NUDT19: variants seen among roughly 807,000 people sequenced by gnomAD.
NUDT19 encodes the protein acyl-coenzyme A diphosphatase NUDT19.
In NUDT19, 31 loss-of-function variants were observed where a neutral mutation model predicts 22.2. The observed-to-expected ratio is 1.40, with a 90% CI of 1.05 to 1.89. The LOEUF is 1.89. NUDT19 is among the 40% of genes most tolerant of loss of function. The pLI, the probability that NUDT19 is intolerant of heterozygous loss-of-function variation, is 0.00. For missense variants in NUDT19, 752 were observed against 514.2 expected (o/e 1.46, Z -4.47); for synonymous variants, 325 against 230.8 (o/e 1.41, Z -3.70).
intron 1 of NUDT19, among the ~76,000 whole-genome samples, chr19:32,703,596 G>T (rs564597631): frequency 7.1e-6 from 1 of 141,414 alleles, no homozygotes; most frequent in African/African-American, 2.6e-5. Flanking sequence ...TGATCCACCT[G>T]CCTCAGCCTC....
At chr19:32,708,216 A>G (rs1444257270) in intron 1 of NUDT19, among the ~76,000 whole-genome samples, 1 of 151,154 alleles carries the variant, frequency 6.6e-6, no homozygotes, top group Non-Finnish European at 1.5e-5. Flanking sequence ...TCATGGGGTC[A>G]GGAGATCGAG....
intron 2 of NUDT19, among the ~76,000 whole-genome samples, chr19:32,709,868 TG>T (rs2145368461): frequency 6.6e-6 from 1 of 152,262 alleles, no homozygotes; most frequent in South Asian, 2.1e-4. Context: ...TTGGCCAGGC[TG>T]GTCTTGAACT....
At chr19:32,693,535 G>A (rs1229547812) in intron 1 of NUDT19, among the ~76,000 whole-genome samples, 1 of 152,220 alleles carries the variant, frequency 6.6e-6, no homozygotes, top group Non-Finnish European at 1.5e-5. Context: ...GTTGGGTGCT[G>A]GTGGCTGGGT....
rs1968188307 is a variant in NUDT19 at position 32,692,044 on chromosome 19, G to C, written c.84G>C (p.Glu28Asp). The C allele has an allele frequency of 3.1e-6, 4 of 1,277,000 alleles. No homozygotes were observed. The East Asian group carries it at 1.3e-4, about 41-fold the overall frequency. The allele number at this position is 1,277,000 out of a possible 1,614,324, so 79.1% of individuals were successfully genotyped here. A position where few individuals can be genotyped will look rare whatever the true frequency, so the allele number is the denominator to read the frequency against. ...TGGCGGCTGGCTGGTCGCGCCCGGA[G>C]ACCGCCACCCCGCCGTCGCGCCCGC... is the stretch of plus-strand genomic sequence containing the variant. ...IVLAAGWSRP[E>D]TATPPSRPPP... is the part of the protein sequence containing the mutation. The change falls in exon 1 of 3, where the codon GAG (glutamate) becomes GAC (aspartate). Residue 28 changes from glutamate (E) to aspartate (D), a missense_variant. Coordinates refer to ENST00000397061, the MANE Select transcript of NUDT19 (RefSeq NM_001105570.2).
At chr19:32,708,348 A>G (rs1459394422) in intron 1 of NUDT19, among the ~76,000 whole-genome samples, 6 of 150,460 alleles carry the variant, frequency 4.0e-5, no homozygotes, top group Non-Finnish European at 8.9e-5. Flanking sequence ...AATGGCGTGA[A>G]CCCAGGAGGT....
At chr19:32,709,432 A>G in intron 2 of NUDT19, 40 bp downstream of exon 2, 3 of 1,531,650 alleles carry the variant, frequency 2.0e-6, no homozygotes, top group South Asian at 1.1e-5. Context: ...TAGTATTCAC[A>G]TTCAGTGCCC....
In NUDT19 at chr19:32,692,590, C is replaced by G. The variant is rs779612481; in HGVS notation, c.630C>G (p.Arg210=). Residue 210 remains arginine, a synonymous_variant, in exon 1 of 3, where the codon CGC becomes CGG. Coordinates refer to ENST00000397061, the MANE Select transcript of NUDT19 (RefSeq NM_001105570.2). Reference sequence around the variant, plus strand: ...CCCCTTTCTTGCGGGGCACCACTCGCCGCTTTGACACGGCCTTCTTCCTGT... The same window carrying G: ...CCCCTTTCTTGCGGGGCACCACTCGGCGCTTTGACACGGCCTTCTTCCTGT... ...WLTPFLRGTT[R]RFDTAFFLCC... 6.3e-6 allele frequency: 10 copies of G among 1,584,890 alleles called. No individual in the cohort carries two copies. The South Asian group carries it at 1.0e-4, about 16-fold the overall frequency.
In NUDT19 at chr19:32,713,554, G is replaced by A. The variant is rs1968470567; in HGVS notation, c.*1597G>A. 2 of 152,146 alleles carry A rather than the reference G, an allele frequency of 1.3e-5. No individual in the cohort carries two copies. The highest frequency in any genetic ancestry group is 2.9e-5 in the Non-Finnish European group (2 of 68,042). 9.4% of individuals were successfully genotyped at this position (152,146 alleles called of 1,614,324 possible). A position where few individuals can be genotyped will look rare whatever the true frequency, so the allele number is the denominator to read the frequency against. On this transcript the variant is annotated 3_prime_UTR_variant, in exon 3 of 3. Coordinates refer to ENST00000397061, the MANE Select transcript of NUDT19 (RefSeq NM_001105570.2). Reference sequence around the variant, plus strand: ...TGAATGTAAAGAGGTTAGAAATGTAGTGTTTGATTAATGATGTTTATTTTT... The same window carrying A: ...TGAATGTAAAGAGGTTAGAAATGTAATGTTTGATTAATGATGTTTATTTTT...
intron 1 of NUDT19, 58 bp from the exon 2 acceptor site, chr19:32,709,127 C>G (rs1005600685): frequency 7.6e-6 from 9 of 1,177,992 alleles, no homozygotes; most frequent in Middle Eastern, 2.7e-4. Context: ...CTGACTGTCT[C>G]AAGTCTCACA....
chr19:32,699,872 CT>C (rs2145360983), intron 1 of NUDT19, among the ~76,000 whole-genome samples: 1 of 152,176 alleles, frequency 6.6e-6, no homozygotes, highest in Admixed American at 6.5e-5. Flanking sequence ...TCCGGAGTTT[CT>C]TTCGTTGGGT....
At chr19:32,693,206 T>C (rs780601789) in intron 1 of NUDT19, among the ~76,000 whole-genome samples, 1 of 152,188 alleles carries the variant, frequency 6.6e-6, no homozygotes, top group Non-Finnish European at 1.5e-5. Context: ...TTAAAGATGG[T>C]GTGTCCAGTT....
In NUDT19 at chr19:32,691,863, C is replaced by T. The variant is rs1968183683; in HGVS notation, c.-98C>T. ...CAACGCCAGAGGCTCGTCCTCAATT[C>T]CCGCGAGGCCCCCGGAGGTGCTGGG... On this transcript the variant is annotated 5_prime_UTR_variant, in exon 1 of 3. Coordinates refer to ENST00000397061, the MANE Select transcript of NUDT19 (RefSeq NM_001105570.2). 3 of 635,348 alleles carry T rather than the reference C, an allele frequency of 4.7e-6. No homozygotes were observed. The East Asian group carries it at 1.2e-4, about 26-fold the overall frequency. 39.4% of individuals were successfully genotyped at this position (635,348 alleles called of 1,614,324 possible). A position where few individuals can be genotyped will look rare whatever the true frequency, so the allele number is the denominator to read the frequency against.
chr19:32,695,510 G>A (rs1460076044), intron 1 of NUDT19, among the ~76,000 whole-genome samples: 1 of 152,190 alleles, frequency 6.6e-6, no homozygotes, highest in Admixed American at 6.5e-5. Flanking sequence ...AGGGTGCACT[G>A]TTTTTTCTTT....
Position 32,709,178 on chromosome 19 carries a change from T to C in NUDT19, c.715-7T>C, listed in dbSNP as rs1249827752. 4 of 1,606,506 alleles carry C rather than the reference T, an allele frequency of 2.5e-6. No individual in the cohort carries two copies. The highest frequency in any genetic ancestry group is 3.4e-6 in the Non-Finnish European group (4 of 1,174,122). On this transcript the variant is annotated splice_polypyrimidine_tract_variant and splice_region_variant and intron_variant, in intron 1 of 2. Coordinates refer to ENST00000397061, the MANE Select transcript of NUDT19 (RefSeq NM_001105570.2). ...ACCTTAAGAAACCCTGCCTTTGTCT[T>C]TCACAGTGGTCATCTCCATCAGAGG...
At chr19:32,709,928 C>T (rs1291126764) in intron 2 of NUDT19, among the ~76,000 whole-genome samples, 1 of 151,640 alleles carries the variant, frequency 6.6e-6, no homozygotes, top group Non-Finnish European at 1.5e-5. Context: ...GCTGGGATTA[C>T]AGTCATGAGC....
chr19:32,695,500 A>C (rs1183504366), intron 1 of NUDT19, among the ~76,000 whole-genome samples: 1 of 152,194 alleles, frequency 6.6e-6, no homozygotes, highest in Non-Finnish European at 1.5e-5. Flanking sequence ...TTAAAGGAAT[A>C]GGGTGCACTG....
chr19:32,692,579 G>A lies in NUDT19; in HGVS notation c.619G>A (p.Gly207Ser), dbSNP rs1968208178. 6.3e-7 allele frequency: 1 copy of A among 1,592,080 alleles called. No homozygotes were observed. The highest frequency in any genetic ancestry group is 8.5e-7 in the Non-Finnish European group (1 of 1,172,058). The stretch of plus-strand genomic sequence containing the variant: ...CGCCTGGCTCACCCCTTTCTTGCGG[G>A]GCACCACTCGCCGCTTTGACACGGC... ...WSAWLTPFLR[G>S]TTRRFDTAFF... Residue 207 changes from glycine (G) to serine (S), a missense_variant, in exon 1 of 3, where the codon GGC becomes AGC. Gly to Ser is a moderately conservative substitution (Grantham distance 56). Coordinates refer to ENST00000397061, the MANE Select transcript of NUDT19 (RefSeq NM_001105570.2).
At chr19:32,694,761 C>A (rs149996940) in intron 1 of NUDT19, among the ~76,000 whole-genome samples, 1,663 of 152,322 alleles carry the variant, frequency 0.011, 39 homozygotes, top group African/African-American at 0.038. Context: ...AGTCCATATT[C>A]ACTTAAAATT....
In NUDT19 at chr19:32,700,079, G is replaced by T. The variant is rs1488976889; in HGVS notation, c.714+7405G>T. 4.6e-5 allele frequency among the ~76,000 whole-genome samples: 7 copies of T among 152,272 alleles called. No homozygotes were observed. In the East Asian group the frequency reaches 1.3e-3, roughly 29 times the overall value. ...GTGTAAACCCAAAGAGTGAGCAGCA[G>T]CAAGATTTATTGCGAAGAGCAAAAG... On this transcript the variant is annotated intron_variant, in intron 1 of 2. Transcript: ENST00000397061.
Sources: allele counts gnomAD v4.1 joint callset (sites outside exome capture counted in the v4.1 genomes callset), GRCh38; gene constraint gnomAD v4.1.1; transcripts MANE v1.5; gene names NCBI Gene and HGNC (gene_info 2026-07-23, HGNC 2026-07-21).